Variants in CRACR2A observed in about 807,000 individuals in gnomAD.
CRACR2A encodes the protein EF-hand calcium-binding domain-containing protein 4B.
A neutral mutation model predicts 90.5 loss-of-function variants in CRACR2A; 79 were observed. The observed-to-expected ratio is 0.87, with a 90% CI of 0.73 to 1.05. CRACR2A has a LOEUF of 1.05. CRACR2A is among the 50% of genes least tolerant of loss of function. The pLI, the probability that CRACR2A is intolerant of heterozygous loss-of-function variation, is 0.00. For missense variants in CRACR2A, 823 were observed against 897.2 expected, an observed-to-expected ratio of 0.92 and a Z score of 1.06; for synonymous variants, 338 against 356.7, an observed-to-expected ratio of 0.95 and a Z score of 0.59.
At position 3,710,802 on chromosome 12, in the gene CRACR2A, A is replaced by AG. The variant is rs1555118027; in HGVS notation, c.-37+2434_-37+2435insC. ...GCGAGGCTCCACCGCAAAAAAAAAAAAAAGAAAGAAAGAAAGAAAGAAAGA... is the reference window on the plus strand; with the variant it reads ...GCGAGGCTCCACCGCAAAAAAAAAAAGAAAGAAAGAAAGAAAGAAAGAAAGA... On this transcript the variant is annotated intron_variant, in intron 3 of 19. Transcript: ENST00000440314. Among the ~76,000 whole-genome samples the AG allele has an allele frequency of 1.2e-4, 18 of 150,516 alleles. No individual in the cohort carries two copies. The South Asian group carries it at 3.6e-3, about 30-fold the overall frequency.
intron 4 of CRACR2A, among the ~76,000 whole-genome samples, chr12:3,684,563 C>T (rs1022639723): frequency 1.3e-5 from 2 of 152,194 alleles, no homozygotes; most frequent in Non-Finnish European, 2.9e-5. Flanking sequence ...ATAAAAAATG[C>T]CTCCATACAT....
chr12:3,655,003 T>G (rs1160920882), intron 9 of CRACR2A, among the ~76,000 whole-genome samples: 1 of 152,196 alleles, frequency 6.6e-6, no homozygotes, highest in Non-Finnish European at 1.5e-5. Flanking sequence ...CTAAAAACCC[T>G]GCATTTTTAT....
Position 3,720,464 on chromosome 12 carries a change from A to AAAGAAAGAAAGC in CRACR2A, c.-117-7148_-117-7147insGCTTTCTTTCTT, listed in dbSNP as rs1478961662. On this transcript the variant is annotated intron_variant, in intron 2 of 19. Transcript: ENST00000440314. ...GAAAGAAAGAAAGAAAGAAAGAAAG[A>AAAGAAAGAAAGC]AAGCAAAAGAAAAAAAGAAACAAAT... is the stretch of plus-strand genomic sequence containing the variant. Among the ~76,000 whole-genome samples, 1,317 of 150,738 alleles carry AAAGAAAGAAAGC rather than the reference A, an allele frequency of 8.7e-3. 32 individuals carry two copies. The highest frequency in any genetic ancestry group is 0.028 in the African/African-American group (1,133 of 40,462).
intron 4 of CRACR2A, among the ~76,000 whole-genome samples, chr12:3,691,378 T>C (rs1945648822): frequency 6.6e-6 from 1 of 152,244 alleles, no homozygotes; most frequent in Non-Finnish European, 1.5e-5. Flanking sequence ...CTGAAAGGTA[T>C]CTTAATTCTC....
At chr12:3,719,973 G>C (rs1437354059) in intron 2 of CRACR2A, among the ~76,000 whole-genome samples, 2 of 151,802 alleles carry the variant, frequency 1.3e-5, no homozygotes, top group African/African-American at 2.4e-5. Context: ...CAAAAAATTA[G>C]CTGGGCGTGG....
chr12:3,658,368 G>A (rs1944956082), intron 8 of CRACR2A, among the ~76,000 whole-genome samples: 1 of 152,084 alleles, frequency 6.6e-6, no homozygotes, highest in African/African-American at 2.4e-5. Flanking sequence ...GATAAAGGGG[G>A]TGGCTGTCCG....
At chr12:3,740,951 T>C (rs937898535) in intron 1 of CRACR2A, among the ~76,000 whole-genome samples, 2 of 152,184 alleles carry the variant, frequency 1.3e-5, no homozygotes, top group African/African-American at 2.4e-5. Context: ...CCAAGTTGAG[T>C]TGACAGCTGT....
At chr12:3,662,860 C>T (rs916304311) in intron 7 of CRACR2A, among the ~76,000 whole-genome samples, 8 of 152,244 alleles carry the variant, frequency 5.3e-5, no homozygotes, top group Non-Finnish European at 7.3e-5. Context: ...TCGCCATATT[C>T]TGCCATCAGG....
chr12:3,679,773 G>A (rs970269355), intron 5 of CRACR2A, among the ~76,000 whole-genome samples: 4 of 152,320 alleles, frequency 2.6e-5, no homozygotes, highest in South Asian at 4.1e-4. Flanking sequence ...CCTTGAGAAT[G>A]TCTAGTCTGT....
intron 18 of CRACR2A, among the ~76,000 whole-genome samples, chr12:3,618,466 T>A (rs1308516042): frequency 3.3e-5 from 5 of 152,218 alleles, no homozygotes. Flanking sequence ...TCAGAGCTTT[T>A]TGGATTTCGG....
At chr12:3,708,254 C>G (rs912977312) in intron 3 of CRACR2A, among the ~76,000 whole-genome samples, 1 of 152,138 alleles carries the variant, frequency 6.6e-6, no homozygotes, top group Non-Finnish European at 1.5e-5. Context: ...TATGAAAGCC[C>G]GGTCCTCCTG....
chr12:3,678,765 C>T lies in CRACR2A; in HGVS notation c.524+150G>A, dbSNP rs1404259398. 7 of 737,862 alleles carry T rather than the reference C, an allele frequency of 9.5e-6. No homozygotes were observed. The East Asian group carries it at 1.8e-4, about 19-fold the overall frequency. The allele number at this position is 737,862 out of a possible 1,614,324, so 45.7% of individuals were successfully genotyped here. A position where few individuals can be genotyped will look rare whatever the true frequency, so the allele number is the denominator to read the frequency against. On this transcript the variant is annotated intron_variant, in intron 6 of 19. Transcript: ENST00000440314. ...CCAGGTCATCACAAAGGACAGGCCC[C>T]CACTGGCAGAACCAGCGGGCCTTTA...
intron 4 of CRACR2A, among the ~76,000 whole-genome samples, chr12:3,681,307 C>T (rs765141251): frequency 6.6e-6 from 1 of 152,142 alleles, no homozygotes; most frequent in Non-Finnish European, 1.5e-5. Flanking sequence ...GGTATCAAGG[C>T]CCCAAGAGTA....
chr12:3,640,708 T>C (rs7138453), intron 13 of CRACR2A: 704,593 of 1,305,070 alleles, frequency 0.54, 191,670 homozygotes, highest in Admixed American at 0.69. Context: ...TTTCATTTCA[T>C]GCTTGCAGTC....
intron 17 of CRACR2A, among the ~76,000 whole-genome samples, chr12:3,620,169 T>C (rs1029869368): frequency 6.6e-6 from 1 of 152,224 alleles, no homozygotes; most frequent in African/African-American, 2.4e-5. Context: ...AGGGGCACCG[T>C]GTGTGTCTCT....
intron 1 of CRACR2A, among the ~76,000 whole-genome samples, chr12:3,741,739 T>C (rs1946527963): frequency 6.6e-6 from 1 of 152,200 alleles, no homozygotes; most frequent in Non-Finnish European, 1.5e-5. Context: ...GACCAGTTCC[T>C]AAAGGAACAG....
chr12:3,683,874 C>T (rs1945502713), intron 4 of CRACR2A, among the ~76,000 whole-genome samples: 1 of 152,198 alleles, frequency 6.6e-6, no homozygotes, highest in South Asian at 2.1e-4. Context: ...CTGGTCTAGA[C>T]CTCACACACT....
chr12:3,736,878 A>C (rs888867079), intron 1 of CRACR2A, among the ~76,000 whole-genome samples: 1 of 152,232 alleles, frequency 6.6e-6, no homozygotes, highest in South Asian at 2.1e-4. Context: ...CGGTGAACTC[A>C]GTAATAGCAG....
intron 4 of CRACR2A, among the ~76,000 whole-genome samples, chr12:3,681,543 C>A (rs1945452003): frequency 6.6e-6 from 1 of 152,196 alleles, no homozygotes; most frequent in Non-Finnish European, 1.5e-5. Flanking sequence ...ACCCTCATAC[C>A]CAAATAATCT....
Sources: allele counts gnomAD v4.1 joint callset (sites outside exome capture counted in the v4.1 genomes callset), GRCh38; gene constraint gnomAD v4.1.1; transcripts MANE v1.5; gene names NCBI Gene and HGNC (gene_info 2026-07-23, HGNC 2026-07-21).